BRIP1: variants seen among roughly 807,000 people sequenced by gnomAD.
BRIP1 encodes the protein Fanconi anemia group J protein.
BRIP1 carries 88 observed loss-of-function variants against 119.7 expected under a neutral mutation model. The ratio of observed to expected loss-of-function variants is 0.74; its 90% confidence interval spans 0.62 to 0.88. BRIP1 has a LOEUF of 0.88. BRIP1 is among the 40% of genes least tolerant of loss of function. The pLI is 0.00. For synonymous variants in BRIP1, 443 were observed against 496.5 expected, an observed-to-expected ratio of 0.89 and a Z score of 1.43; for missense variants, 1,259 against 1,455.4, an observed-to-expected ratio of 0.87 and a Z score of 2.20.
At chr17:61,685,553 T>A in intron 19 of BRIP1, 1 of 471,338 alleles carries the variant, frequency 2.1e-6, no homozygotes, top group Non-Finnish European at 3.7e-6. Context: ...GGCAGGCATT[T>A]TTTTTTTCCT....
At position 61,795,290 on chromosome 17, in the gene BRIP1, AT is replaced by A. The variant is rs2077882706; in HGVS notation, c.1341-1562del. Among the ~76,000 whole-genome samples the A allele has an allele frequency of 1.3e-5, 2 of 152,168 alleles. No individual in the cohort carries two copies. The highest frequency in any genetic ancestry group is 1.3e-4 in the Admixed American group (2 of 15,264). On this transcript the variant is annotated intron_variant, in intron 9 of 19. Coordinates refer to ENST00000259008, the MANE Select transcript of BRIP1 (RefSeq NM_032043.3). This position sits in a 1 kb window ranked among gnomAD's most constrained non-coding sequence, Gnocchi z 5.6. ...TTTTTAAATGTACAGTTAAATCATT[AT>A]TGACTATAGTCACACTGTTGTGCTA...
intron 17 of BRIP1, among the ~76,000 whole-genome samples, chr17:61,707,688 C>T (rs2061711145): frequency 6.6e-6 from 1 of 151,786 alleles, no homozygotes; most frequent in Admixed American, 6.6e-5. Flanking sequence ...TTCTTTTGTT[C>T]TTGTTTCATG....
chr17:61,686,288 G>C lies in BRIP1; in HGVS notation c.2576-123C>G, dbSNP rs1435101451. Reference sequence around the variant, plus strand: ...AATTTGTATTTTGAATATACAGAATGGTTCTCCATATGTTTTTTCTGCAAT... The same window carrying C: ...AATTTGTATTTTGAATATACAGAATCGTTCTCCATATGTTTTTTCTGCAAT... On this transcript the variant is annotated intron_variant, in intron 18 of 19. Coordinates refer to ENST00000259008, the MANE Select transcript of BRIP1 (RefSeq NM_032043.3). The surrounding 1 kb of genome is among the most constrained non-coding windows in gnomAD (Gnocchi z 5.4). 9 of 892,628 alleles carry C rather than the reference G, an allele frequency of 1.0e-5. No homozygotes were observed. The highest frequency in any genetic ancestry group is 1.4e-5 in the South Asian group (1 of 69,326). The allele number at this position is 892,628 out of a possible 1,614,324, so 55.3% of individuals were successfully genotyped here. A position where few individuals can be genotyped will look rare whatever the true frequency, so the allele number is the denominator to read the frequency against.
At chr17:61,728,868 C>G (rs1186948297) in intron 16 of BRIP1, among the ~76,000 whole-genome samples, 2 of 152,076 alleles carry the variant, frequency 1.3e-5, no homozygotes, top group African/African-American at 4.8e-5. Flanking sequence ...TCTGACAGGT[C>G]TGATAGAAAA....
In BRIP1 at chr17:61,805,834, T is replaced by C. The variant is rs2078066170; in HGVS notation, c.918+2633A>G. ...TCTGAAAGCTTACCTTTATACAAAA[T>C]GATCACTAAAGTGCCTTTAGAATCT... On this transcript the variant is annotated intron_variant, in intron 7 of 19. Coordinates refer to ENST00000259008, the MANE Select transcript of BRIP1 (RefSeq NM_032043.3). This position sits in a 1 kb window ranked among gnomAD's most constrained non-coding sequence, Gnocchi z 5.6. Among the ~76,000 whole-genome samples, 1 of 152,192 alleles carries C rather than the reference T, an allele frequency of 6.6e-6. No individual in the cohort carries two copies. Among genetic ancestry groups the C allele is most frequent in the South Asian group, 2.1e-4 (1 of 4,814 alleles).
At position 61,686,894 on chromosome 17, in the gene BRIP1, C is replaced by A. The variant is rs912342104; in HGVS notation, c.2576-729G>T. The stretch of plus-strand genomic sequence containing the variant: ...ACTTTTACAAAATAAATATTCCCTG[C>A]TAACACTACTAAAACTAGCATCATC... On this transcript the variant is annotated intron_variant, in intron 18 of 19. Coordinates refer to ENST00000259008, the MANE Select transcript of BRIP1 (RefSeq NM_032043.3). This position sits in a 1 kb window ranked among gnomAD's most constrained non-coding sequence, Gnocchi z 5.4. Among the ~76,000 whole-genome samples, 6 of 152,080 alleles carry A rather than the reference C, an allele frequency of 3.9e-5. No individual in the cohort carries two copies. The highest frequency in any genetic ancestry group is 7.4e-5 in the Non-Finnish European group (5 of 68,024).
rs2077051074 is a variant in BRIP1, at chr17:61,745,803, A to C, written c.2098-1212T>G. Among the ~76,000 whole-genome samples, 1 of 152,354 alleles carries C rather than the reference A, an allele frequency of 6.6e-6. No individual in the cohort carries two copies. Among genetic ancestry groups the C allele is most frequent in the South Asian group, 2.1e-4 (1 of 4,826 alleles). ...GCATACAGCAATGGCAATACATGGA[A>C]ATACATTTATAGCTTTAAATATATT... is the stretch of plus-strand genomic sequence containing the variant. On this transcript the variant is annotated intron_variant, in intron 14 of 19. Transcript: ENST00000259008. This position sits in a 1 kb window ranked among gnomAD's most constrained non-coding sequence, Gnocchi z 4.4.
In BRIP1 at chr17:61,744,869, CTAT is replaced by C. The variant is rs1231772162; in HGVS notation, c.2098-281_2098-279del. On this transcript the variant is annotated intron_variant, in intron 14 of 19. Transcript: ENST00000259008. The surrounding 1 kb of genome is among the most constrained non-coding windows in gnomAD (Gnocchi z 5.0). ...TCTACCACTACTACTGCTACTACTA[CTAT>C]TACTACTACTACTTCTACTATTATC... 6.6e-6 allele frequency among the ~76,000 whole-genome samples: 1 copy of C among 151,628 alleles called. No individual in the cohort carries two copies. The highest frequency in any genetic ancestry group is 1.9e-4 in the East Asian group (1 of 5,186).
rs929203569 is a variant in BRIP1 at position 61,789,873 on chromosome 17, G to C, written c.1473+3724C>G. Among the ~76,000 whole-genome samples the C allele has an allele frequency of 6.6e-6, 1 of 152,032 alleles. No homozygotes were observed. Among genetic ancestry groups the C allele is most frequent in the African/African-American group, 2.4e-5 (1 of 41,342 alleles). On this transcript the variant is annotated intron_variant, in intron 10 of 19. Transcript: ENST00000259008. The surrounding 1 kb of genome is among the most constrained non-coding windows in gnomAD (Gnocchi z 4.8). ...CACAATGTTCACAATGTTCATCTTT[G>C]AGTTTATGAGTCATTTTTCTTTGTG...
At position 61,759,302 on chromosome 17, in the gene BRIP1, A is replaced by G. The variant is rs984651692; in HGVS notation, c.2098-14711T>C. Among the ~76,000 whole-genome samples, 3 of 152,116 alleles carry G rather than the reference A, an allele frequency of 2.0e-5. No individual in the cohort carries two copies. The highest frequency in any genetic ancestry group is 4.4e-5 in the Non-Finnish European group (3 of 67,988). ...TACTTACATAAGACAAAATAGACTAAGTCAAATACTGTAAAAAGAAACAAC... is the reference window on the plus strand; with the variant it reads ...TACTTACATAAGACAAAATAGACTAGGTCAAATACTGTAAAAAGAAACAAC... On this transcript the variant is annotated intron_variant, in intron 14 of 19. Transcript: ENST00000259008. This position sits in a 1 kb window ranked among gnomAD's most constrained non-coding sequence, Gnocchi z 4.9.
intron 10 of BRIP1, among the ~76,000 whole-genome samples, chr17:61,786,197 C>CGTGT (rs139960292): frequency 6.7e-6 from 1 of 148,914 alleles, no homozygotes; most frequent in Non-Finnish European, 1.5e-5. Flanking sequence ...CATGAGTGAG[C>CGTGT]GTGTGTGTGT....
rs1434377858 is a variant in BRIP1, at chr17:61,725,207, G to T, written c.2380-9144C>A. ...TTTCTGCCAAGAGTTAAGAAGCCAG[G>T]CTCCCTTTTAAATAAGAATAATAAT... On this transcript the variant is annotated intron_variant, in intron 16 of 19. Coordinates refer to ENST00000259008, the MANE Select transcript of BRIP1 (RefSeq NM_032043.3). The surrounding 1 kb of genome is among the most constrained non-coding windows in gnomAD (Gnocchi z 5.3). Among the ~76,000 whole-genome samples, 4 of 151,744 alleles carry T rather than the reference G, an allele frequency of 2.6e-5. No individual in the cohort carries two copies. The highest frequency in any genetic ancestry group is 6.6e-5 in the Admixed American group (1 of 15,214).
intron 8 of BRIP1, among the ~76,000 whole-genome samples, chr17:61,801,041 T>C (rs2077981374): frequency 6.6e-6 from 1 of 152,214 alleles, no homozygotes; most frequent in South Asian, 2.1e-4. Context: ...TCAGTCACTA[T>C]GTTCCTTAAA....
At position 61,849,204 on chromosome 17, in the gene BRIP1, T is replaced by A. The variant is rs1342776835; in HGVS notation, c.432A>T (p.Ala144=). ...LAAKLSAKKQ[A]SIYRDENDDF... ...CATCATTTTCATCTCTGTATATGGATGCCTGTTTCTTAGCAGATAACTTTG... is the reference window on the plus strand; with the variant it reads ...CATCATTTTCATCTCTGTATATGGAAGCCTGTTTCTTAGCAGATAACTTTG... Residue 144 remains alanine (A), a synonymous_variant, in exon 5 of 20, where the codon GCA becomes GCT. Coordinates refer to ENST00000259008, the MANE Select transcript of BRIP1 (RefSeq NM_032043.3). 2 of 1,612,966 alleles carry A rather than the reference T, an allele frequency of 1.2e-6. No homozygotes were observed. Among genetic ancestry groups the A allele is most frequent in the Non-Finnish European group, 1.7e-6 (2 of 1,179,110 alleles).
rs549472385 is a variant in BRIP1 at position 61,774,013 on chromosome 17, T to G, written c.2097+2388A>C. Among the ~76,000 whole-genome samples, 4 of 152,314 alleles carry G rather than the reference T, an allele frequency of 2.6e-5. No homozygotes were observed. The highest frequency in any genetic ancestry group is 5.9e-5 in the Non-Finnish European group (4 of 68,028). On this transcript the variant is annotated intron_variant, in intron 14 of 19. Coordinates refer to ENST00000259008, the MANE Select transcript of BRIP1 (RefSeq NM_032043.3). This position sits in a 1 kb window ranked among gnomAD's most constrained non-coding sequence, Gnocchi z 5.8. Reference sequence around the variant, plus strand: ...GGAGTATAAATTAGTTCAACCATTGTGGAAGACAGTGTGGCGATTCCTCAA... The same window carrying G: ...GGAGTATAAATTAGTTCAACCATTGGGGAAGACAGTGTGGCGATTCCTCAA...
In BRIP1 at chr17:61,796,334, C is replaced by G. The variant is rs2077899324; in HGVS notation, c.1341-2605G>C. Among the ~76,000 whole-genome samples, 1 of 152,014 alleles carries G rather than the reference C, an allele frequency of 6.6e-6. No homozygotes were observed. Among genetic ancestry groups the G allele is most frequent in the Admixed American group, 6.6e-5 (1 of 15,248 alleles). On this transcript the variant is annotated intron_variant, in intron 9 of 19. Coordinates refer to ENST00000259008, the MANE Select transcript of BRIP1 (RefSeq NM_032043.3). The surrounding 1 kb of genome is among the most constrained non-coding windows in gnomAD (Gnocchi z 4.8). ...TTGCTCAAGAAGTTGTTCCCCAGAC[C>G]GATGTCCTGGAGAGTTTTTCCAATG...
Position 61,768,143 on chromosome 17 carries a change from C to T in BRIP1, c.2097+8258G>A, listed in dbSNP as rs1427453866. 6.6e-6 allele frequency among the ~76,000 whole-genome samples: 1 copy of T among 152,154 alleles called. No individual in the cohort carries two copies. Among genetic ancestry groups the T allele is most frequent in the African/African-American group, 2.4e-5 (1 of 41,438 alleles). On this transcript the variant is annotated intron_variant, in intron 14 of 19. Coordinates refer to ENST00000259008, the MANE Select transcript of BRIP1 (RefSeq NM_032043.3). The surrounding 1 kb of genome is among the most constrained non-coding windows in gnomAD (Gnocchi z 5.0). ...GTTTATTTTTGAATCTTTAACAGGA[C>T]TTAGTGCAGTCCTCCGCACAAAGTA...
At position 61,730,775 on chromosome 17, in the gene BRIP1, C is replaced by G. The variant is rs2076834165; in HGVS notation, c.2379+12238G>C. The stretch of plus-strand genomic sequence containing the variant: ...TAGGAGAAAAAGGTTATCAACCGAA[C>G]TTGCTTAAAATTTTGGGATTTTAAA... On this transcript the variant is annotated intron_variant, in intron 16 of 19. Coordinates refer to ENST00000259008, the MANE Select transcript of BRIP1 (RefSeq NM_032043.3). This position sits in a 1 kb window ranked among gnomAD's most constrained non-coding sequence, Gnocchi z 4.3. 6.6e-6 allele frequency among the ~76,000 whole-genome samples: 1 copy of G among 152,046 alleles called. No homozygotes were observed. Among genetic ancestry groups the G allele is most frequent in the African/African-American group, 2.4e-5 (1 of 41,398 alleles).
Position 61,709,761 on chromosome 17 carries a change from TAG to T in BRIP1, c.2492+6188_2492+6189del, listed in dbSNP as rs1412722386. Among the ~76,000 whole-genome samples, 4 of 152,230 alleles carry T rather than the reference TAG, an allele frequency of 2.6e-5. No homozygotes were observed. The highest frequency in any genetic ancestry group is 9.6e-5 in the African/African-American group (4 of 41,460). On this transcript the variant is annotated intron_variant, in intron 17 of 19. Transcript: ENST00000259008. This position sits in a 1 kb window ranked among gnomAD's most constrained non-coding sequence, Gnocchi z 5.0. Reference sequence around the variant, plus strand: ...TTTCAGTAAAGCAACAAAGACTAGTTAGAAAACTCATAGTGCAGTTGTAACCT... The same window carrying T: ...TTTCAGTAAAGCAACAAAGACTAGTTAAAACTCATAGTGCAGTTGTAACCT...
Sources: gnomAD v4.1 joint callset for allele counts (sites outside exome capture counted in the v4.1 genomes callset) on GRCh38, gnomAD v4.1.1 for gene constraint, Gnocchi (gnomAD v3.1) non-coding constraint, MANE v1.5 for transcripts, NCBI Gene and HGNC (gene_info 2026-07-23, HGNC 2026-07-21) for gene names.